CARS1: variants seen among roughly 807,000 people sequenced by gnomAD.
CARS1 encodes cysteinyl-tRNA synthetase 1, also known as cysteine--tRNA ligase, cytoplasmic.
In CARS1, 48 loss-of-function variants were observed where a neutral mutation model predicts 106.2. The ratio of observed to expected loss-of-function variants is 0.45; its 90% CI spans 0.36 to 0.57. CARS1 has a LOEUF of 0.57. Among genes scored for constraint, CARS1 ranks in the 20% least tolerant of loss-of-function variants. The probability of loss-of-function intolerance (pLI) is 0.00; values close to 1 mark genes in which losing one functional copy is unlikely to be tolerated. For synonymous variants in CARS1, 409 were observed against 403.4 expected (o/e 1.01, Z -0.17); for missense variants, 968 against 1,057.2 (o/e 0.92, Z 1.17).
Position 3,039,966 on chromosome 11 carries a change from G to C in CARS1, c.456-35C>G. ...TGAAAAAACAAACATTTCCACACCA[G>C]ACGATATGTATAGCTTAACCTCCAA... is the stretch of plus-strand genomic sequence containing the variant. On this transcript the variant is annotated intron_variant, in intron 4 of 22. Coordinates refer to ENST00000380525, the MANE Select transcript of CARS1 (RefSeq NM_001014437.3). This position sits in a 1 kb window ranked among gnomAD's most constrained non-coding sequence, Gnocchi z 5.6. 1 of 1,110,178 alleles carries C rather than the reference G, an allele frequency of 9.0e-7. No individual in the cohort carries two copies. Among genetic ancestry groups the C allele is most frequent in the Non-Finnish European group, 1.3e-6 (1 of 746,820 alleles). The allele number at this position is 1,110,178 out of a possible 1,614,324, so 68.8% of individuals were successfully genotyped here.
At position 3,052,554 on chromosome 11, in the gene CARS1, T is replaced by C. The variant is rs1429874795; in HGVS notation, c.26-4553A>G. 6.6e-6 allele frequency among the ~76,000 whole-genome samples: 1 copy of C among 152,182 alleles called. No individual in the cohort carries two copies. The highest frequency in any genetic ancestry group is 1.5e-5 in the Non-Finnish European group (1 of 68,040). ...TCTGCCTTGATCTTGGATCACATAA[T>C]TCTTAAATGTACCGTCTAGAGCAGG... On this transcript the variant is annotated intron_variant, in intron 1 of 22. Transcript: ENST00000380525. The surrounding 1 kb of genome is among the most constrained non-coding windows in gnomAD (Gnocchi z 4.6).
chr11:3,027,741 G>A (rs1442620962), intron 9 of CARS1: 3 of 433,312 alleles, frequency 6.9e-6, no homozygotes, highest in Non-Finnish European at 1.4e-5. Flanking sequence ...GCCCGGACAC[G>A]GCCACCAGAA....
chr11:3,031,167 G>C (rs1255486633), intron 7 of CARS1: 1 of 152,182 alleles, frequency 6.6e-6, no homozygotes, highest in East Asian at 1.9e-4. Flanking sequence ...AATAGGATAA[G>C]TAAAAACAAA....
chr11:3,025,518 G>A (rs904454428), intron 10 of CARS1, among the ~76,000 whole-genome samples: 4 of 152,170 alleles, frequency 2.6e-5, no homozygotes, highest in African/African-American at 9.6e-5. Context: ...GTGAGCCACC[G>A]CACCTTTATT....
chr11:3,054,298 CA>C (rs1242228392), intron 1 of CARS1, among the ~76,000 whole-genome samples: 1 of 152,144 alleles, frequency 6.6e-6, no homozygotes, highest in African/African-American at 2.4e-5. Flanking sequence ...GGAGGTTATT[CA>C]TTATTAGGGG....
rs1851444545 is a variant in CARS1, at chr11:3,020,191, G to A, written c.1266+29C>T. 1 of 1,354,670 alleles carries A rather than the reference G, an allele frequency of 7.4e-7. No individual in the cohort carries two copies. The highest frequency in any genetic ancestry group is 1.4e-5 in the African/African-American group (1 of 69,760). 83.9% of individuals were successfully genotyped at this position (1,354,670 alleles called of 1,614,324 possible). A position where few individuals can be genotyped will look rare whatever the true frequency, so the allele number is the denominator to read the frequency against. ...GGCTGGCGCCAGTGCCCCTGTCCAAGCCCCACACCTTCTAGGCCACTCGCT... is the reference window on the plus strand; with the variant it reads ...GGCTGGCGCCAGTGCCCCTGTCCAAACCCCACACCTTCTAGGCCACTCGCT... On this transcript the variant is annotated intron_variant, in intron 11 of 22. Coordinates refer to ENST00000380525, the MANE Select transcript of CARS1 (RefSeq NM_001014437.3). The surrounding 1 kb of genome is among the most constrained non-coding windows in gnomAD (Gnocchi z 4.6).
intron 16 of CARS1, 152 bp from the exon 17 acceptor site, chr11:3,016,001 G>C: frequency 1.5e-6 from 1 of 682,394 alleles, no homozygotes; most frequent in Non-Finnish European, 2.6e-6. Flanking sequence ...CCAGAAACCC[G>C]AGCCTGAGGG....
intron 17 of CARS1, among the ~76,000 whole-genome samples, chr11:3,013,039 G>A (rs1246704686): frequency 6.6e-6 from 1 of 151,572 alleles, no homozygotes; most frequent in Non-Finnish European, 1.5e-5. Context: ...ACAGGCAAGC[G>A]CCACCACGCC....
At position 3,047,736 on chromosome 11, in the gene CARS1, C is replaced by A. The variant is rs779832350; in HGVS notation, c.274+17G>T. ...GAGAGAGGTTCTAATGGCCAGGGAA[C>A]CCACTCTGTTACTCACTTGCTTGGA... is the stretch of plus-strand genomic sequence containing the variant. On this transcript the variant is annotated intron_variant, in intron 2 of 22. Transcript: ENST00000380525. 163 of 1,595,692 alleles carry A rather than the reference C, an allele frequency of 1.0e-4. No individual in the cohort carries two copies. Among genetic ancestry groups the A allele is most frequent in the Non-Finnish European group, 1.4e-4 (159 of 1,168,192 alleles).
chr11:3,041,207 C>A lies in CARS1; in HGVS notation c.367-223G>T. The A allele has an allele frequency of 1.8e-6, 1 of 544,140 alleles. No homozygotes were observed. Among genetic ancestry groups the A allele is most frequent in the South Asian group, 2.4e-5 (1 of 42,230 alleles). The allele number at this position is 544,140 out of a possible 1,614,324, so 33.7% of individuals were successfully genotyped here. On this transcript the variant is annotated intron_variant, in intron 3 of 22. Transcript: ENST00000380525. This position sits in a 1 kb window ranked among gnomAD's most constrained non-coding sequence, Gnocchi z 4.9. The stretch of plus-strand genomic sequence containing the variant: ...CCCTGGGTGGGTGGGGCCTCTTCCT[C>A]CCTGGGGTTCTACTCATCTATGGAG...
At chr11:3,007,049 C>T in intron 18 of CARS1, 90 bp from the exon 19 acceptor site, 9 of 1,052,858 alleles carry the variant, frequency 8.5e-6, no homozygotes, top group Non-Finnish European at 1.2e-5. Context: ...AAGGAGGGGC[C>T]GTGGCCCACA....
At position 3,052,934 on chromosome 11, in the gene CARS1, T is replaced by C. The variant is rs1305708255; in HGVS notation, c.25+4409A>G. Among the ~76,000 whole-genome samples the C allele has an allele frequency of 6.6e-6, 1 of 152,188 alleles. No homozygotes were observed. The stretch of plus-strand genomic sequence containing the variant: ...TGCCGAAACTCCTGCTCTGCCCCCA[T>C]GAGAAGGAATGTCCACCACCGGATG... On this transcript the variant is annotated intron_variant, in intron 1 of 22. Transcript: ENST00000380525. This position sits in a 1 kb window ranked among gnomAD's most constrained non-coding sequence, Gnocchi z 4.6.
chr11:3,047,665 G>A (rs1855238795), intron 2 of CARS1, 88 bp downstream of exon 2: 3 of 1,506,438 alleles, frequency 2.0e-6, no homozygotes, highest in Non-Finnish European at 8.9e-7. Context: ...GGTATCCGCA[G>A]ACGCCAGGTA....
chr11:3,017,758 C>T lies in CARS1; in HGVS notation c.1727+99G>A, dbSNP rs1851187627. ...GCACAACGTACGACAGTGTCCCCAG[C>T]CCTTCCTCGACAGTCCAGGACACAT... On this transcript the variant is annotated intron_variant, in intron 15 of 22. Transcript: ENST00000380525. This position sits in a 1 kb window ranked among gnomAD's most constrained non-coding sequence, Gnocchi z 4.9. 1.3e-6 allele frequency: 1 copy of T among 783,602 alleles called. No individual in the cohort carries two copies. The highest frequency in any genetic ancestry group is 2.2e-5 in the Admixed American group (1 of 45,296). 48.5% of individuals were successfully genotyped at this position (783,602 alleles called of 1,614,324 possible).
chr11:3,039,900 C>G lies in CARS1; in HGVS notation c.487G>C (p.Val163Leu), dbSNP rs767315102. The G allele has an allele frequency of 3.1e-6, 5 of 1,590,306 alleles. No homozygotes were observed. Among genetic ancestry groups the G allele is most frequent in the Non-Finnish European group, 4.3e-6 (5 of 1,167,164 alleles). ...SYISFDILRR[V>L]LKDYFKFDVF... Reference sequence around the variant, plus strand: ...TCAAATTTGAAGTAATCCTTCAACACTCTTCTCAAGATATCAAAAGAGATG... The same window carrying G: ...TCAAATTTGAAGTAATCCTTCAACAGTCTTCTCAAGATATCAAAAGAGATG... The change falls in exon 5 of 23, where the codon GTG becomes CTG. Residue 163 changes from valine (V) to leucine (L), a missense_variant. Physicochemically the swap from Val to Leu is conservative, Grantham distance 32 (BLOSUM62 1). Transcript: ENST00000380525. This position sits in a 1 kb window ranked among gnomAD's most constrained non-coding sequence, Gnocchi z 5.6.
chr11:3,025,034 C>T (rs989097277), intron 10 of CARS1, among the ~76,000 whole-genome samples: 1 of 152,132 alleles, frequency 6.6e-6, no homozygotes, highest in African/African-American at 2.4e-5. Context: ...TGGGCATGTC[C>T]ACTCTGGTTC....
Position 3,031,214 on chromosome 11 carries a change from AAAAG to A in CARS1, c.802-1775_802-1772del, listed in dbSNP as rs372861718. 5.3e-5 allele frequency: 8 copies of A among 152,376 alleles called. No individual in the cohort carries two copies. The South Asian group carries it at 8.3e-4, about 16-fold the overall frequency. 9.4% of individuals were successfully genotyped at this position (152,376 alleles called of 1,614,324 possible). On this transcript the variant is annotated intron_variant, in intron 7 of 22. Coordinates refer to ENST00000380525, the MANE Select transcript of CARS1 (RefSeq NM_001014437.3). ...GTCTTTGTGAAATAGCAGAAAACTG[AAAAG>A]AGAGAATACTTTTATAATGCGCCTG... is the stretch of plus-strand genomic sequence containing the variant.
chr11:3,056,506 T>A (rs1057282580), intron 1 of CARS1, among the ~76,000 whole-genome samples: 2 of 152,182 alleles, frequency 1.3e-5, no homozygotes, highest in Non-Finnish European at 2.9e-5. Context: ...CACAGCTGTG[T>A]CCCTGGGGAA....
At chr11:3,014,461 C>A (rs1850793295) in intron 17 of CARS1, among the ~76,000 whole-genome samples, 1 of 152,234 alleles carries the variant, frequency 6.6e-6, no homozygotes, top group African/African-American at 2.4e-5. Context: ...AATGAGGCTG[C>A]CTGGGGGATG....
Sources: gnomAD v4.1 joint callset for allele counts (sites outside exome capture counted in the v4.1 genomes callset) on GRCh38, gnomAD v4.1.1 for gene constraint, Gnocchi (gnomAD v3.1) non-coding constraint, MANE v1.5 for transcripts, NCBI Gene and HGNC (gene_info 2026-07-23, HGNC 2026-07-21) for gene names.